The following GRXCR1 variants were observed in gnomAD, a reference collection of about 807,000 sequenced individuals.
GRXCR1 encodes glutaredoxin and cysteine rich domain containing 1.
In GRXCR1, 27 loss-of-function variants were observed where a neutral mutation model predicts 27.3. The observed-to-expected ratio is 0.99, with a 90% CI of 0.73 to 1.37. GRXCR1 has a LOEUF of 1.37. GRXCR1 is among the 40% of genes most tolerant of loss of function. GRXCR1 has a pLI of 0.00. For missense variants in GRXCR1, 379 were observed against 354.4 expected (o/e 1.07, Z -0.56); for synonymous variants, 122 against 131.1 (o/e 0.93, Z 0.47).
intron 2 of GRXCR1, among the ~76,000 whole-genome samples, chr4:43,011,206 G>A (rs1484532738): frequency 2.0e-5 from 3 of 152,188 alleles, no homozygotes; most frequent in Non-Finnish European, 2.9e-5. Context: ...ATTGTCGATC[G>A]TGCTGGTTAA....
rs918206125 is a variant in GRXCR1, at chr4:42,910,924, C to G, written c.384+17274C>G. On this transcript the variant is annotated intron_variant, in intron 1 of 3. Coordinates refer to ENST00000399770, the MANE Select transcript of GRXCR1 (RefSeq NM_001080476.3). ...TTTTAGACTAACTCCAGATGTGACT[C>G]TTTGCTGGAAGTTTCCATGGTTCTC... Among the ~76,000 whole-genome samples the G allele has an allele frequency of 1.2e-4, 19 of 152,106 alleles. 1 individual carries two copies. Among genetic ancestry groups the G allele is most frequent in the Admixed American group, 1.0e-3 (16 of 15,262 alleles).
rs570024275 is a variant in GRXCR1 at position 42,969,647 on chromosome 4, G to A, written c.627+6513G>A. On this transcript the variant is annotated intron_variant, in intron 2 of 3. Coordinates refer to ENST00000399770, the MANE Select transcript of GRXCR1 (RefSeq NM_001080476.3). Reference sequence around the variant, plus strand: ...AACCTGCTATCATGAGAACAACAACGGGGAAGTCTGCCTCCATGATTCAAT... The same window carrying A: ...AACCTGCTATCATGAGAACAACAACAGGGAAGTCTGCCTCCATGATTCAAT... Among the ~76,000 whole-genome samples the A allele has an allele frequency of 1.3e-4, 20 of 152,108 alleles. No homozygotes were observed. In the South Asian group the frequency reaches 2.5e-3, roughly 19 times the overall value.
chr4:42,909,760 C>T (rs978558167), intron 1 of GRXCR1, among the ~76,000 whole-genome samples: 24 of 152,078 alleles, frequency 1.6e-4, no homozygotes, highest in African/African-American at 5.8e-4. Context: ...CATGTTACTC[C>T]CCTGCTAAAA....
chr4:42,952,216 G>A (rs1747897795), intron 1 of GRXCR1, among the ~76,000 whole-genome samples: 1 of 152,140 alleles, frequency 6.6e-6, no homozygotes, highest in Non-Finnish European at 1.5e-5. Context: ...CTCATTTTGA[G>A]AAAAGAGAGC....
intron 1 of GRXCR1, among the ~76,000 whole-genome samples, chr4:42,933,618 G>A (rs1177471364): frequency 6.6e-6 from 1 of 151,852 alleles, no homozygotes; most frequent in African/African-American, 2.4e-5. Flanking sequence ...GTTTTTGGAG[G>A]TGATTAGGTC....
intron 2 of GRXCR1, among the ~76,000 whole-genome samples, chr4:42,968,039 C>A (rs1485598824): frequency 2.6e-5 from 4 of 152,114 alleles, no homozygotes; most frequent in African/African-American, 9.7e-5. Context: ...TACTGATCAG[C>A]ACTCTGCTGA....
At chr4:42,937,461 C>T (rs1747487571) in intron 1 of GRXCR1, among the ~76,000 whole-genome samples, 1 of 151,784 alleles carries the variant, frequency 6.6e-6, no homozygotes, top group South Asian at 2.1e-4. Flanking sequence ...TTCACTGCTC[C>T]AGGGATGTCA....
At chr4:43,021,478 G>A (rs781629719) in intron 3 of GRXCR1, among the ~76,000 whole-genome samples, 2 of 151,734 alleles carry the variant, frequency 1.3e-5, no homozygotes, top group Non-Finnish European at 2.9e-5. Context: ...AACGATTCAT[G>A]TTTTATTCAT....
chr4:43,026,827 A>G (rs1713272041), intron 3 of GRXCR1, among the ~76,000 whole-genome samples: 1 of 151,958 alleles, frequency 6.6e-6, no homozygotes, highest in Admixed American at 6.6e-5. Flanking sequence ...GGGGGCAAAG[A>G]CTCCTCCACA....
At chr4:42,974,531 T>A (rs1482928716) in intron 2 of GRXCR1, among the ~76,000 whole-genome samples, 2 of 152,164 alleles carry the variant, frequency 1.3e-5, no homozygotes, top group Non-Finnish European at 2.9e-5. Context: ...ATGCGGAATG[T>A]GCTGTGAGCT....
Position 42,984,430 on chromosome 4 carries a change from G to T in GRXCR1, c.627+21296G>T, listed in dbSNP as rs996215279. Among the ~76,000 whole-genome samples, 9 of 152,130 alleles carry T rather than the reference G, an allele frequency of 5.9e-5. No homozygotes were observed. The South Asian group carries it at 1.0e-3, about 18-fold the overall frequency. ...CACTGGCACTTTATTTTGTCTCTTT[G>T]GTAATGTCATGTTTTTCTGACTGTT... is the stretch of plus-strand genomic sequence containing the variant. On this transcript the variant is annotated intron_variant, in intron 2 of 3. Transcript: ENST00000399770.
intron 2 of GRXCR1, among the ~76,000 whole-genome samples, chr4:43,009,776 A>C (rs1388837408): frequency 6.6e-6 from 1 of 152,074 alleles, no homozygotes; most frequent in Non-Finnish European, 1.5e-5. Flanking sequence ...CACCTACTAT[A>C]GTGTCACATT....
At chr4:43,004,892 G>A (rs1304286064) in intron 2 of GRXCR1, among the ~76,000 whole-genome samples, 1 of 152,198 alleles carries the variant, frequency 6.6e-6, no homozygotes. Flanking sequence ...TTAAGACTTT[G>A]AGGGACTGTT....
chr4:42,950,189 T>C (rs1316244528), intron 1 of GRXCR1, among the ~76,000 whole-genome samples: 1 of 152,164 alleles, frequency 6.6e-6, no homozygotes, highest in African/African-American at 2.4e-5. Context: ...GTAACAAAGA[T>C]GAAGGGTGTT....
intron 2 of GRXCR1, among the ~76,000 whole-genome samples, chr4:42,982,799 A>G (rs1577931076): frequency 6.6e-6 from 1 of 150,564 alleles, no homozygotes; most frequent in African/African-American, 2.4e-5. Flanking sequence ...CATTTCTCTG[A>G]CGGCCAGTGA....
chr4:43,002,440 C>A (rs1031163432), intron 2 of GRXCR1, among the ~76,000 whole-genome samples: 4 of 152,174 alleles, frequency 2.6e-5, no homozygotes, highest in Admixed American at 6.5e-5. Context: ...TCCTGCACAG[C>A]CCTAGATCCC....
chr4:42,925,918 T>A (rs1747146403), intron 1 of GRXCR1, among the ~76,000 whole-genome samples: 1 of 151,524 alleles, frequency 6.6e-6, no homozygotes, highest in South Asian at 2.1e-4. Context: ...GTAGAAGGAG[T>A]TTGGGTGGGG....
chr4:42,916,650 G>A (rs73240018), intron 1 of GRXCR1, among the ~76,000 whole-genome samples: 31,566 of 151,874 alleles, frequency 0.21, 3,339 homozygotes, highest in South Asian at 0.31. Context: ...CACAATTTCC[G>A]TTCACTCCCT....
At chr4:42,935,883 CT>C (rs1275975618) in intron 1 of GRXCR1, among the ~76,000 whole-genome samples, 1 of 151,870 alleles carries the variant, frequency 6.6e-6, no homozygotes, top group African/African-American at 2.4e-5. Flanking sequence ...TAATAGGTTT[CT>C]TTACTCTGGG....
Sources: gnomAD v4.1 joint callset for allele counts (sites outside exome capture counted in the v4.1 genomes callset) on GRCh38, gnomAD v4.1.1 for gene constraint, MANE v1.5 for transcripts, NCBI Gene and HGNC (gene_info 2026-07-23, HGNC 2026-07-21) for gene names.